The following ACOT8 variants were observed in gnomAD, a reference collection of about 807,000 sequenced individuals.
The protein encoded by ACOT8 is acyl-coenzyme A thioesterase 8.
Under a neutral mutation model 38.4 loss-of-function variants are expected in ACOT8, and 31 were observed. The observed-to-expected ratio is 0.81, with a 90% CI of 0.61 to 1.09. The LOEUF (loss-of-function observed/expected upper bound fraction) is 1.09, where lower values mean the gene tolerates loss of function less well. Among genes scored for constraint, ACOT8 ranks in the 50% least tolerant of loss-of-function variants. The pLI is 0.00. For synonymous variants in ACOT8, 158 were observed against 170.3 expected (o/e 0.93, Z 0.56); for missense variants, 373 against 421.8 (o/e 0.88, Z 1.01).
intron 2 of ACOT8, chr20:45,854,127 T>A: frequency 2.0e-6 from 1 of 500,796 alleles, no homozygotes; most frequent in South Asian, 2.0e-5. Flanking sequence ...CTTGAATTCC[T>A]GGGTTCCAAC....
chr20:45,855,415 GT>G (rs1162377755), intron 1 of ACOT8, 123 bp from the exon 2 acceptor site: 1 of 1,345,684 alleles, frequency 7.4e-7, no homozygotes, highest in Non-Finnish European at 1.0e-6. Flanking sequence ...TGAGAATATG[GT>G]AAAAGCCATA....
At chr20:45,852,141 C>T (rs1296222885) in intron 2 of ACOT8, among the ~76,000 whole-genome samples, 2 of 151,758 alleles carry the variant, frequency 1.3e-5, no homozygotes, top group African/African-American at 4.8e-5. Flanking sequence ...TAGCTGGGAT[C>T]ACGGGCTAAG....
In ACOT8 at chr20:45,855,270, C is replaced by T. The variant is rs145774172; in HGVS notation, c.151G>A (p.Ala51Thr). 2.5e-5 allele frequency: 40 copies of T among 1,614,094 alleles called. No homozygotes were observed. In the African/African-American group the frequency reaches 4.7e-4, roughly 19 times the overall value. ...LFRGRHYWVPAKRLFGGQIVG... is the reference protein window; with the variant it reads ...LFRGRHYWVPTKRLFGGQIVG... ...ATCTGACCACCAAACAGCCTCTTGG[C>T]CGGTACCCAGTAATGCCTTCCTCTG... is the stretch of plus-strand genomic sequence containing the variant. The change falls in exon 2 of 6, where the codon GCC becomes ACC. Residue 51 changes from alanine to threonine, a missense_variant. Physicochemically the swap from Ala to Thr is moderately conservative, Grantham distance 58. Transcript: ENST00000217455.
intron 2 of ACOT8, 198 bp from the exon 3 acceptor site, chr20:45,848,873 C>CT (rs776406347): frequency 3.1e-5 from 15 of 481,770 alleles, no homozygotes; most frequent in Non-Finnish European, 5.1e-5. Context: ...GAGCTTTTCT[C>CT]TAACAGCACA....
intron 2 of ACOT8, among the ~76,000 whole-genome samples, chr20:45,850,626 C>T (rs1294960065): frequency 6.6e-6 from 1 of 152,214 alleles, no homozygotes; most frequent in African/African-American, 2.4e-5. Context: ...TGGTCCTTCA[C>T]TGTCAGGTGT....
rs150269762 is a variant in ACOT8 at position 45,853,086 on chromosome 20, G to C, written c.262+2073C>G. 3.9e-5 allele frequency among the ~76,000 whole-genome samples: 6 copies of C among 152,318 alleles called. No individual in the cohort carries two copies. In the East Asian group the frequency reaches 1.2e-3, roughly 29 times the overall value. ...GCCCGGCCAAATAATTATTTATTTT[G>C]AAATGGTGGCTTGGACACAGCTCAT... On this transcript the variant is annotated intron_variant, in intron 2 of 5. Transcript: ENST00000217455.
chr20:45,842,161 A>T, intron 5 of ACOT8: 1 of 1,521,950 alleles, frequency 6.6e-7, no homozygotes, highest in Non-Finnish European at 8.8e-7. Context: ...CTTCTTGCAA[A>T]GGGTCTGGCC....
Position 45,848,488 on chromosome 20 carries a change from C to A in ACOT8, c.450G>T (p.Glu150Asp), listed in dbSNP as rs1440219327. ...FSMPTVPPPEELLDCETLIDQ... is the reference protein window; with the variant it reads ...FSMPTVPPPEDLLDCETLIDQ... Reference sequence around the variant, plus strand: ...CAATGAGGGTCTCACAGTCAAGCAGCTCTTCTGGTGGTGGCACAGTGGGCA... The same window carrying A: ...CAATGAGGGTCTCACAGTCAAGCAGATCTTCTGGTGGTGGCACAGTGGGCA... Residue 150 changes from glutamate to aspartate, a missense_variant, in exon 3 of 6, where the codon GAG becomes GAT. Glu to Asp is a conservative substitution (Grantham distance 45, BLOSUM62 2). Transcript: ENST00000217455. The A allele has an allele frequency of 6.2e-7, 1 of 1,611,820 alleles. No individual in the cohort carries two copies. The highest frequency in any genetic ancestry group is 1.3e-5 in the African/African-American group (1 of 74,898).
intron 5 of ACOT8, 42 bp downstream of exon 5, chr20:45,843,485 A>G (rs1984414877): frequency 6.3e-7 from 1 of 1,594,820 alleles, no homozygotes. Flanking sequence ...GGCTCCTGCC[A>G]CTCAAGGTCA....
At chr20:45,854,166 G>A (rs1378202618) in intron 2 of ACOT8, among the ~76,000 whole-genome samples, 2 of 140,258 alleles carry the variant, frequency 1.4e-5, no homozygotes, top group East Asian at 3.8e-4. Context: ...CCCAATGTGC[G>A]GGGATTATAG....
intron 3 of ACOT8, among the ~76,000 whole-genome samples, chr20:45,845,111 C>T (rs1044524787): frequency 2.6e-5 from 4 of 151,910 alleles, no homozygotes; most frequent in East Asian, 3.9e-4. Context: ...TATTTTGAGA[C>T]GGAGTCTAGC....
chr20:45,847,767 A>C (rs1984777846), intron 3 of ACOT8: 1 of 150,928 alleles, frequency 6.6e-6, no homozygotes, highest in Admixed American at 6.6e-5. Context: ...AAACAACAAC[A>C]AAATATATAT....
rs1984861083 is a variant in ACOT8 at position 45,848,679 on chromosome 20, C to T, written c.263-4G>A. 6.2e-7 allele frequency: 1 copy of T among 1,600,748 alleles called. No individual in the cohort carries two copies. The highest frequency in any genetic ancestry group is 1.1e-5 in the South Asian group (1 of 90,256). On this transcript the variant is annotated splice_polypyrimidine_tract_variant and splice_region_variant and intron_variant, in intron 2 of 5. Transcript: ENST00000217455. ...AGTACTGGCAGCTTCGGGTCCCCTG[C>T]AGTGGGCACAAGGACACAGTGGGTC...
intron 5 of ACOT8, 121 bp downstream of exon 5, chr20:45,843,406 G>C (rs1245034719): frequency 7.7e-7 from 1 of 1,297,178 alleles, no homozygotes; most frequent in African/African-American, 1.5e-5. Flanking sequence ...AGCCTGGGAG[G>C]GAAGGAAAGG....
rs1204883126 is a variant in ACOT8 at position 45,844,243 on chromosome 20, C to G, written c.646+20G>C. 6.2e-7 allele frequency: 1 copy of G among 1,614,014 alleles called. No individual in the cohort carries two copies. The highest frequency in any genetic ancestry group is 1.3e-5 in the African/African-American group (1 of 74,918). On this transcript the variant is annotated intron_variant, in intron 4 of 5. Transcript: ENST00000217455. ...GACCCCTTGGAGAGTGGTTTCCTCC[C>G]ATCCATGGGGTACTCTTACCAATAT...
At chr20:45,857,048 C>T (rs1229080770) in intron 1 of ACOT8, 140 bp downstream of exon 1, 3 of 1,004,892 alleles carry the variant, frequency 3.0e-6, no homozygotes, top group African/African-American at 3.3e-5. Flanking sequence ...CTGTTGGGGG[C>T]GAGTTCTCTC....
At chr20:45,843,212 G>A (rs1203781084) in intron 5 of ACOT8, 2 of 501,008 alleles carry the variant, frequency 4.0e-6, no homozygotes, top group Non-Finnish European at 7.1e-6. Flanking sequence ...TTGTTTAGAT[G>A]AGGAAACTGA....
intron 4 of ACOT8, 192 bp downstream of exon 4, chr20:45,844,071 G>T: frequency 1.1e-6 from 1 of 896,364 alleles, no homozygotes; most frequent in Admixed American, 2.2e-5. Flanking sequence ...CTTGTGTCGG[G>T]ATTATAGTCA....
chr20:45,842,401 C>T, intron 5 of ACOT8: 2 of 1,210,286 alleles, frequency 1.7e-6, no homozygotes, highest in Non-Finnish European at 2.1e-6. Flanking sequence ...ACTGCTGTAC[C>T]TCTGACCACT....
Sources: allele counts gnomAD v4.1 joint callset (sites outside exome capture counted in the v4.1 genomes callset), GRCh38; gene constraint gnomAD v4.1.1; transcripts MANE v1.5; gene names NCBI Gene and HGNC (gene_info 2026-07-23, HGNC 2026-07-21).